The following L3MBTL1 variants were observed in gnomAD, a reference collection of about 807,000 sequenced individuals.
The protein encoded by L3MBTL1 is lethal(3)malignant brain tumor-like protein 1.
A neutral mutation model predicts 105.3 loss-of-function variants in L3MBTL1; 75 were observed. The ratio of observed to expected loss-of-function variants is 0.71; its 90% CI spans 0.59 to 0.86. The LOEUF (loss-of-function observed/expected upper bound fraction) is 0.86, where lower values mean the gene tolerates loss of function less well. Ranked by LOEUF, L3MBTL1 falls within the 40% of genes least tolerant of loss-of-function variation. The probability of loss-of-function intolerance (pLI) is 0.00; values close to 1 mark genes in which losing one functional copy is unlikely to be tolerated. For missense variants in L3MBTL1, 1,069 were observed against 1,126.4 expected (o/e 0.95, Z 0.73); for synonymous variants, 452 against 436.2 (o/e 1.04, Z -0.45).
intron 1 of L3MBTL1, among the ~76,000 whole-genome samples, chr20:43,509,991 G>A (rs1287072389): frequency 4.0e-5 from 6 of 151,808 alleles, no homozygotes; most frequent in Non-Finnish European, 1.5e-5. Context: ...AGCCTCCTGA[G>A]TAGCTGGGAT....
chr20:43,513,938 C>T lies in L3MBTL1; in HGVS notation c.237C>T (p.Cys79=), dbSNP rs897464265. 2.6e-6 allele frequency: 4 copies of T among 1,550,152 alleles called. No individual in the cohort carries two copies. Among genetic ancestry groups the T allele is most frequent in the Non-Finnish European group, 3.5e-6 (4 of 1,146,984 alleles). Residue 79 remains cysteine (C), a synonymous_variant, in exon 3 of 22, where the codon TGC becomes TGT. Coordinates refer to ENST00000418998, the MANE Select transcript of L3MBTL1 (RefSeq NM_001377303.1). ...GTGCCCCGGAGCAAGTGGCCGGCTG[C>T]GAACCAGTTTCTGCCACCGTCCTGC... The part of the protein sequence containing the change: ...HVGAPEQVAG[C]EPVSATVLPQ...
At chr20:43,514,170 G>C in intron 3 of L3MBTL1, 109 bp downstream of exon 3, 11 of 1,014,184 alleles carry the variant, frequency 1.1e-5, no homozygotes, top group South Asian at 1.5e-5. Context: ...TGGCTCAGAT[G>C]ATGGGCCCTA....
chr20:43,545,262 G>A (rs1193105103), downstream of L3MBTL1, among the ~76,000 whole-genome samples: 1 of 152,014 alleles, frequency 6.6e-6, no homozygotes, highest in Non-Finnish European at 1.5e-5. Context: ...CTACTCAGGA[G>A]GCTGAGGCAG....
chr20:43,515,053 C>A lies in L3MBTL1; in HGVS notation c.547C>A (p.Pro183Thr). The A allele has an allele frequency of 6.2e-7, 1 of 1,614,114 alleles. No homozygotes were observed. The highest frequency in any genetic ancestry group is 1.3e-5 in the African/African-American group (1 of 75,052). The change falls in exon 5 of 22, where the codon CCA (proline) becomes ACA (threonine). Residue 183 changes from proline (P) to threonine (T), a missense_variant. Transcript: ENST00000418998. ...NPPEDPNQDP[P>T]EDDSTCQCQA... Reference sequence around the variant, plus strand: ...TCCAGAAGATCCCAATCAGGACCCCCCAGAGGATGATAGCACCTGTCAGTG... The same window carrying A: ...TCCAGAAGATCCCAATCAGGACCCCACAGAGGATGATAGCACCTGTCAGTG...
intron 6 of L3MBTL1, 38 bp from the exon 7 acceptor site, chr20:43,516,055 T>C: frequency 6.7e-7 from 1 of 1,490,050 alleles, no homozygotes; most frequent in Non-Finnish European, 9.4e-7. Context: ...TCCCAAACCA[T>C]GAGGAGAAGA....
intron 19 of L3MBTL1, among the ~76,000 whole-genome samples, chr20:43,537,208 G>C (rs898855587): frequency 2.0e-5 from 3 of 152,202 alleles, no homozygotes; most frequent in Non-Finnish European, 4.4e-5. Flanking sequence ...TTGCACTAGC[G>C]TGCTTGCTGC....
At chr20:43,518,851 CAAAAAAAAAAA>C (rs34529936) in intron 7 of L3MBTL1, among the ~76,000 whole-genome samples, 27 of 33,306 alleles carry the variant, frequency 8.1e-4, no homozygotes, top group African/African-American at 2.9e-3. Context: ...ACTAAAAATA[CAAAAAAAAAAA>C]AAAAAAAAAA....
chr20:43,549,096 G>T (rs1275699507), exon 19 of L3MBTL1: 3 of 152,258 alleles, frequency 2.0e-5, no homozygotes, highest in African/African-American at 7.2e-5. Flanking sequence ...AGCCTAGCCT[G>T]CCAGTAGCCT....
chr20:43,525,593 G>A (rs1200150881), intron 7 of L3MBTL1, among the ~76,000 whole-genome samples: 1 of 152,150 alleles, frequency 6.6e-6, no homozygotes, highest in Non-Finnish European at 1.5e-5. Flanking sequence ...TGGGTTTAGG[G>A]ATATGCCTAA....
At chr20:43,547,102 C>CTTTTTT (rs11478523) in intron 18 of L3MBTL1, among the ~76,000 whole-genome samples, 2 of 122,642 alleles carry the variant, frequency 1.6e-5, no homozygotes, top group African/African-American at 3.2e-5. Flanking sequence ...TTTTTAATGA[C>CTTTTTT]TTTTTTTTTT....
chr20:43,514,830 G>T (rs2018285616), intron 4 of L3MBTL1, 54 bp downstream of exon 4: 31 of 1,491,180 alleles, frequency 2.1e-5, no homozygotes, highest in Non-Finnish European at 2.8e-5. Flanking sequence ...GTGGGGCGAG[G>T]CCTGAGCCCC....
exon 19 of L3MBTL1, chr20:43,549,708 CAT>C (rs1978858903): frequency 6.8e-6 from 1 of 147,472 alleles, no homozygotes; most frequent in Admixed American, 6.8e-5. Flanking sequence ...CCCCTTCAAT[CAT>C]GTGATGTGTG....
chr20:43,541,897 T>G (rs923213831), downstream of L3MBTL1: 2 of 985,348 alleles, frequency 2.0e-6, no homozygotes, highest in African/African-American at 3.5e-5. Context: ...TGACTTTTAG[T>G]GCATAGTTGT....
downstream of L3MBTL1, among the ~76,000 whole-genome samples, chr20:43,542,139 G>A (rs954667980): frequency 1.3e-5 from 2 of 152,226 alleles, no homozygotes; most frequent in African/African-American, 4.8e-5. Flanking sequence ...GAACTTGGAA[G>A]GAGGAGGTTG....
At chr20:43,525,812 G>C (rs1045289893) in intron 7 of L3MBTL1, among the ~76,000 whole-genome samples, 1 of 152,164 alleles carries the variant, frequency 6.6e-6, no homozygotes, top group Admixed American at 6.5e-5. Context: ...GACTCAAGGA[G>C]ACCATGTATA....
In L3MBTL1 at chr20:43,535,954, G is replaced by T. The variant is rs2019585460; in HGVS notation, c.1925+18G>T. The T allele has an allele frequency of 1.9e-6, 3 of 1,605,198 alleles. No individual in the cohort carries two copies. The highest frequency in any genetic ancestry group is 2.6e-6 in the Non-Finnish European group (3 of 1,173,626). Reference sequence around the variant, plus strand: ...CACCACCGGTGAGTGAAGGTTCCTGGTGAGAGACCCTCAGCGTTGTTTTGC... The same window carrying T: ...CACCACCGGTGAGTGAAGGTTCCTGTTGAGAGACCCTCAGCGTTGTTTTGC... On this transcript the variant is annotated intron_variant, in intron 17 of 21. Transcript: ENST00000418998.
intron 11 of L3MBTL1, 46 bp downstream of exon 11, chr20:43,530,935 G>T: frequency 6.6e-7 from 1 of 1,504,466 alleles, no homozygotes; most frequent in Non-Finnish European, 9.1e-7. Flanking sequence ...ATGTGCCAGA[G>T]TTCACTGCAG....
At chr20:43,518,153 C>CT (rs35791307) in intron 7 of L3MBTL1, among the ~76,000 whole-genome samples, 180 of 139,094 alleles carry the variant, frequency 1.3e-3, no homozygotes, top group South Asian at 3.9e-3. Flanking sequence ...CCCCCAACGC[C>CT]TTTTTTTTTT....
chr20:43,518,991 A>G (rs1440763858), intron 7 of L3MBTL1, among the ~76,000 whole-genome samples: 2 of 149,934 alleles, frequency 1.3e-5, no homozygotes, highest in African/African-American at 2.5e-5. Context: ...GCGCCACTGC[A>G]CTCCAACCTA....
Sources: allele counts gnomAD v4.1 joint callset (sites outside exome capture counted in the v4.1 genomes callset), GRCh38; gene constraint gnomAD v4.1.1; transcripts MANE v1.5; gene names NCBI Gene and HGNC (gene_info 2026-07-23, HGNC 2026-07-21).